CRYBG3: variants seen among roughly 807,000 people sequenced by gnomAD.
CRYBG3 encodes the protein very large A-kinase anchor protein.
A neutral mutation model predicts 244.2 loss-of-function variants in CRYBG3; 127 were observed. That is an observed-to-expected ratio of 0.52 (90% CI 0.45 to 0.60). The LOEUF (loss-of-function observed/expected upper bound fraction) is 0.60. CRYBG3 is among the 20% of genes least tolerant of loss of function. CRYBG3 has a pLI of 0.00. For synonymous variants in CRYBG3, 1,132 were observed against 1,195.8 expected (o/e 0.95, Z 1.10); for missense variants, 3,325 against 3,442.5 (o/e 0.97, Z 0.85).
chr3:97,881,291 G>A lies in CRYBG3; in HGVS notation c.7152+72G>A, dbSNP rs748847489. The A allele has an allele frequency of 1.6e-4, 163 of 1,026,166 alleles. No homozygotes were observed. The Admixed American group carries it at 1.7e-3, about 11-fold the overall frequency. The allele number at this position is 1,026,166 out of a possible 1,614,324, so 63.6% of individuals were successfully genotyped here. A position where few individuals can be genotyped will look rare whatever the true frequency, so the allele number is the denominator to read the frequency against. On this transcript the variant is annotated intron_variant, in intron 7 of 21. Coordinates refer to ENST00000389622, the MANE Select transcript of CRYBG3 (RefSeq NM_153605.4). ...TATAGTAAACCTGTGCTGTGGCCTG[G>A]CGATGTTTACAAATCATTGCTAATT...
intron 17 of CRYBG3, among the ~76,000 whole-genome samples, chr3:97,921,418 CAA>C (rs1262084120): frequency 1.3e-5 from 2 of 152,036 alleles, no homozygotes; most frequent in Non-Finnish European, 2.9e-5. Flanking sequence ...ATAAAAATAT[CAA>C]GAGTCCATTA....
intron 15 of CRYBG3, among the ~76,000 whole-genome samples, chr3:97,902,179 C>T (rs1308941325): frequency 6.6e-6 from 1 of 152,082 alleles, no homozygotes; most frequent in Non-Finnish European, 1.5e-5. Flanking sequence ...TACTAATTTT[C>T]CCTGAGGAAT....
chr3:97,942,680 G>A (rs568421674), intron 21 of CRYBG3: 4 of 379,362 alleles, frequency 1.1e-5, no homozygotes, highest in African/African-American at 4.2e-5. Flanking sequence ...CATTTGCTAC[G>A]TGAACTCAGA....
intron 11 of CRYBG3, among the ~76,000 whole-genome samples, chr3:97,895,603 A>G (rs1243071261): frequency 6.6e-6 from 1 of 152,332 alleles, no homozygotes; most frequent in East Asian, 1.9e-4. Context: ...TTGGATCTCT[A>G]TGTAAATTTG....
rs1475706466 is a variant in CRYBG3, at chr3:97,825,126, G to C, written c.149+2771G>C. On this transcript the variant is annotated intron_variant, in intron 1 of 21. Transcript: ENST00000389622. ...AGGGGATATATACATTAATGGGACAGAGTGAAAGGAGCAGTAAGAAATTTA... is the reference window on the plus strand; with the variant it reads ...AGGGGATATATACATTAATGGGACACAGTGAAAGGAGCAGTAAGAAATTTA... Among the ~76,000 whole-genome samples, 5 of 152,204 alleles carry C rather than the reference G, an allele frequency of 3.3e-5. No individual in the cohort carries two copies. In the East Asian group the frequency reaches 9.6e-4, roughly 29 times the overall value.
At chr3:97,934,669 T>C (rs2040139504) in intron 18 of CRYBG3, among the ~76,000 whole-genome samples, 2 of 151,278 alleles carry the variant, frequency 1.3e-5, no homozygotes, top group African/African-American at 2.4e-5. Context: ...CAAACTATTA[T>C]AATAAATGGC....
Position 97,827,849 on chromosome 3 carries a change from A to T in CRYBG3, c.149+5494A>T, listed in dbSNP as rs73850190. On this transcript the variant is annotated intron_variant, in intron 1 of 21. Coordinates refer to ENST00000389622, the MANE Select transcript of CRYBG3 (RefSeq NM_153605.4). ...TTTCCTTCCTGAATTCAAAGCCTAC[A>T]GCATTATGTGACAGCTTCCTCCGCT... Among the ~76,000 whole-genome samples the T allele has an allele frequency of 6.4e-3, 981 of 152,334 alleles. 8 individuals are homozygous for T. Among genetic ancestry groups the T allele is most frequent in the African/African-American group, 0.022 (897 of 41,570 alleles).
At chr3:97,926,028 T>G (rs915554758) in intron 17 of CRYBG3, among the ~76,000 whole-genome samples, 1 of 151,934 alleles carries the variant, frequency 6.6e-6, no homozygotes, top group Admixed American at 6.6e-5. Flanking sequence ...TTAATAACTG[T>G]TAGCTGAGTG....
intron 10 of CRYBG3, 85 bp from the exon 11 acceptor site, chr3:97,892,775 G>T: frequency 1.6e-6 from 1 of 611,824 alleles, no homozygotes. Flanking sequence ...ATAGATAGTA[G>T]TCCCTGTACA....
chr3:97,873,029 A>C lies in CRYBG3; in HGVS notation c.1835A>C (p.Lys612Thr), dbSNP rs2039324380. 2.0e-6 allele frequency: 3 copies of C among 1,535,560 alleles called. No individual in the cohort carries two copies. In the African/African-American group the frequency reaches 4.1e-5, roughly 21 times the overall value. The change falls in exon 4 of 22, where the codon AAA becomes ACA. Residue 612 changes from lysine to threonine, a missense_variant. Lys to Thr is a moderately conservative substitution (Grantham distance 78, BLOSUM62 -1). Around this residue, in one of 4 missense-constraint regions of CRYBG3, gnomAD observed 1,526 missense variants for 1,443.2 expected, o/e 1.06. Coordinates refer to ENST00000389622, the MANE Select transcript of CRYBG3 (RefSeq NM_153605.4). The stretch of plus-strand genomic sequence containing the variant: ...GGAAATGAAAATGCACCTGAGTTGA[A>C]ATTTGAACTTAATAGAAGTCACATT... Reference protein sequence around the residue: ...SLGNENAPELKFELNRSHISE... With the variant: ...SLGNENAPELTFELNRSHISE...
Position 97,875,613 on chromosome 3 carries a change from A to G in CRYBG3, c.4419A>G (p.Val1473=). 1 of 1,235,432 alleles carries G rather than the reference A, an allele frequency of 8.1e-7. No homozygotes were observed. The highest frequency in any genetic ancestry group is 4.1e-5 in the South Asian group (1 of 24,502). The allele number at this position is 1,235,432 out of a possible 1,614,324, so 76.5% of individuals were successfully genotyped here. ...KTETEDRRTL[V]LNFKWPPLVN... ...AGACAGAGGACAGAAGAACTCTTGT[A>G]TTAAATTTCAAATGGCCTCCACTTG... Residue 1473 remains valine, a synonymous_variant, in exon 4 of 22, where the codon GTA becomes GTG. Transcript: ENST00000389622.
intron 9 of CRYBG3, among the ~76,000 whole-genome samples, chr3:97,888,725 A>T (rs2039538041): frequency 6.6e-6 from 1 of 152,230 alleles, no homozygotes; most frequent in Admixed American, 6.5e-5. Context: ...AGCCACTAGG[A>T]CAAACTAAAA....
chr3:97,942,230 AACTT>A, intron 20 of CRYBG3, 50 bp from the exon 21 acceptor site: 1 of 1,522,362 alleles, frequency 6.6e-7, no homozygotes, highest in Admixed American at 1.9e-5. Flanking sequence ...GACCTAATTC[AACTT>A]ACTTTAGCAA....
chr3:97,898,544 G>C (rs2039665734), intron 12 of CRYBG3, among the ~76,000 whole-genome samples: 2 of 151,880 alleles, frequency 1.3e-5, no homozygotes, highest in Admixed American at 1.3e-4. Context: ...ATTTACTTTT[G>C]TTTCATATAG....
intron 3 of CRYBG3, among the ~76,000 whole-genome samples, chr3:97,868,271 G>A (rs376529414): frequency 2.9e-5 from 4 of 138,900 alleles, no homozygotes; most frequent in Middle Eastern, 4.2e-3. Context: ...GCGAAAGAGC[G>A]AGACTCCATC....
chr3:97,845,253 C>T (rs2038883909), intron 2 of CRYBG3, among the ~76,000 whole-genome samples: 1 of 152,026 alleles, frequency 6.6e-6, no homozygotes, highest in South Asian at 2.1e-4. Context: ...TTGTGTTTGA[C>T]CTTGAGATAC....
At chr3:97,835,673 TTATC>T (rs1341391335) in intron 1 of CRYBG3, among the ~76,000 whole-genome samples, 1 of 152,106 alleles carries the variant, frequency 6.6e-6, no homozygotes, top group Non-Finnish European at 1.5e-5. Flanking sequence ...TATTATCTGT[TTATC>T]TGTGTCTGGA....
intron 15 of CRYBG3, among the ~76,000 whole-genome samples, chr3:97,904,671 TTTTTTTTATTTTTTA>T (rs1288628708): frequency 1.3e-5 from 2 of 150,888 alleles, no homozygotes; most frequent in African/African-American, 2.4e-5. Context: ...TTTATTTTTA[TTTTTTTTATTTTTTA>T]TTTTTTTATT....
In CRYBG3 at chr3:97,876,972, T is replaced by C; in HGVS notation, c.5778T>C (p.Pro1926=). The C allele has an allele frequency of 6.6e-7, 1 of 1,512,514 alleles. No individual in the cohort carries two copies. The highest frequency in any genetic ancestry group is 2.3e-5 in the Admixed American group (1 of 43,772). The allele number at this position is 1,512,514 out of a possible 1,614,324, so 93.7% of individuals were successfully genotyped here. Residue 1926 remains proline, a synonymous_variant, in exon 4 of 22, where the codon CCT becomes CCC. Coordinates refer to ENST00000389622, the MANE Select transcript of CRYBG3 (RefSeq NM_153605.4). ...TGATAGCACATGAAAATAGACTTCCTACATATTTCAGGGGATATGAATCCC... is the reference window on the plus strand; with the variant it reads ...TGATAGCACATGAAAATAGACTTCCCACATATTTCAGGGGATATGAATCCC... ...EGLIAHENRL[P]TYFRGYESPT...
Sources: gnomAD v4.1 joint callset for allele counts (sites outside exome capture counted in the v4.1 genomes callset) on GRCh38, gnomAD v4.1.1 for gene constraint, gnomAD v4.1.1 regional missense constraint, MANE v1.5 for transcripts, NCBI Gene and HGNC (gene_info 2026-07-23, HGNC 2026-07-21) for gene names.